The following CD59 variants were observed in gnomAD, a reference collection of about 807,000 sequenced individuals.
CD59 encodes the protein CD59 molecule (CD59 blood group).
CD59 carries 3 observed loss-of-function variants against 7.0 expected under a neutral mutation model. That is an observed-to-expected ratio of 0.43 (90% CI 0.19 to 1.10). The LOEUF (loss-of-function observed/expected upper bound fraction) is 1.10, where lower values mean the gene tolerates loss of function less well. CD59 is among the 50% of genes least tolerant of loss of function. CD59 has a pLI of 0.29. For synonymous variants in CD59, 60 were observed against 62.0 expected (o/e 0.97, Z 0.15); for missense variants, 143 against 151.0 (o/e 0.95, Z 0.28).
At chr11:33,730,285 T>C (rs1854379276) in intron 1 of CD59, among the ~76,000 whole-genome samples, 1 of 150,012 alleles carries the variant, frequency 6.7e-6, no homozygotes. Context: ...TGTGGTGGCG[T>C]GTGCCTGTAG....
Position 33,705,354 on chromosome 11 carries a change from T to C in CD59, c.*4772A>G, listed in dbSNP as rs146297407. ...TAATGGAAAGCTCTTAAGAACTAGG[T>C]TTAGAAGGTGCAGAGACCAGGGCAA... On this transcript the variant is annotated 3_prime_UTR_variant, in exon 4 of 4. Coordinates refer to ENST00000642928, the MANE Select transcript of CD59 (RefSeq NM_000611.6). The C allele has an allele frequency of 2.4e-4, 36 of 152,312 alleles. No individual in the cohort carries two copies. Among genetic ancestry groups the C allele is most frequent in the African/African-American group, 7.7e-4 (32 of 41,532 alleles). 9.4% of individuals were successfully genotyped at this position (152,312 alleles called of 1,614,324 possible). A position where few individuals can be genotyped will look rare whatever the true frequency, so the allele number is the denominator to read the frequency against.
In CD59 at chr11:33,722,415, C is replaced by A. The variant is rs377227068; in HGVS notation, c.31G>T (p.Gly11Trp). ...AAGACAGCCAGGACGAGCAGCAGCC[C>A]GAACAGGACAGACCCTCCTTGGATT... MGIQGGSVLF[G>W]LLLVLAVFCH... The change falls in exon 2 of 4, where the codon GGG becomes TGG. Residue 11 changes from glycine to tryptophan, a missense_variant. Gly to Trp is a radical substitution (Grantham distance 184, BLOSUM62 -2). Coordinates refer to ENST00000642928, the MANE Select transcript of CD59 (RefSeq NM_000611.6). The A allele has an allele frequency of 6.2e-7, 1 of 1,614,052 alleles. No homozygotes were observed. Among genetic ancestry groups the A allele is most frequent in the Non-Finnish European group, 8.5e-7 (1 of 1,179,940 alleles).
At chr11:33,729,234 T>C (rs1422948687) in intron 1 of CD59, among the ~76,000 whole-genome samples, 4 of 152,170 alleles carry the variant, frequency 2.6e-5, no homozygotes, top group Non-Finnish European at 4.4e-5. Context: ...CTGTTCACAA[T>C]AGCAAATTCT....
chr11:33,710,209 T>C lies in CD59; in HGVS notation c.304A>G (p.Asn102Asp). The C allele has an allele frequency of 6.2e-7, 1 of 1,614,192 alleles. No individual in the cohort carries two copies. The highest frequency in any genetic ancestry group is 8.5e-7 in the Non-Finnish European group (1 of 1,180,010). Residue 102 changes from asparagine to aspartate, a missense_variant, in exon 4 of 4, where the codon AAT (asparagine) becomes GAT (aspartate). By Grantham distance (23) the Asn-to-Asp change is conservative. Coordinates refer to ENST00000642928, the MANE Select transcript of CD59 (RefSeq NM_000611.6). The stretch of plus-strand genomic sequence containing the variant: ...TTCTCTGATAAGGATGTCCCACCAT[T>C]TTCAAGCTGTTCGTTAAAGTTACAC... The part of the protein sequence containing the change: ...DLCNFNEQLE[N>D]GGTSLSEKTV...
intron 3 of CD59, among the ~76,000 whole-genome samples, chr11:33,716,669 G>A (rs1853806163): frequency 6.6e-6 from 1 of 152,178 alleles, no homozygotes; most frequent in African/African-American, 2.4e-5. Context: ...TGAATATTCT[G>A]TAGTCTAACA....
At chr11:33,732,552 CTT>C (rs1357941437) in intron 1 of CD59, among the ~76,000 whole-genome samples, 1 of 152,158 alleles carries the variant, frequency 6.6e-6, no homozygotes, top group Non-Finnish European at 1.5e-5. Context: ...TCAGGTACTT[CTT>C]TATAGCAGTG....
chr11:33,716,028 G>A (rs1853774517), intron 3 of CD59, among the ~76,000 whole-genome samples: 3 of 152,288 alleles, frequency 2.0e-5, no homozygotes, highest in African/African-American at 4.8e-5. Flanking sequence ...TTCTGTGCTC[G>A]TACATAATGA....
intron 2 of CD59, chr11:33,719,000 T>G (rs1853929172): frequency 6.6e-6 from 1 of 152,210 alleles, no homozygotes; most frequent in Non-Finnish European, 1.5e-5. Flanking sequence ...TACCTACCTC[T>G]GTGAAAAGAC....
At position 33,706,561 on chromosome 11, in the gene CD59, A is replaced by AAC. The variant is rs1197938574; in HGVS notation, c.*3564_*3565insGT. ...AGTTCAGAAAGGGTTTAAAAAAAAAAAAAAAAAAAAACTTGTCCAGAGACA... is the reference window on the plus strand; with the variant it reads ...AGTTCAGAAAGGGTTTAAAAAAAAAAACAAAAAAAAAAACTTGTCCAGAGACA... On this transcript the variant is annotated 3_prime_UTR_variant, in exon 4 of 4. Transcript: ENST00000642928. 6.6e-6 allele frequency: 1 copy of AAC among 151,898 alleles called. No homozygotes were observed. Among genetic ancestry groups the AAC allele is most frequent in the Non-Finnish European group, 1.5e-5 (1 of 67,946 alleles). 9.4% of individuals were successfully genotyped at this position (151,898 alleles called of 1,614,324 possible).
chr11:33,735,960 T>C (rs1487747363), intron 1 of CD59, among the ~76,000 whole-genome samples: 1 of 151,488 alleles, frequency 6.6e-6, no homozygotes, highest in African/African-American at 2.4e-5. Context: ...TTTTCAAAAT[T>C]ACACATTTAG....
chr11:33,722,515 T>C (rs1854117543), intron 1 of CD59, 52 bp from the exon 2 acceptor site: 2 of 1,605,730 alleles, frequency 1.2e-6, no homozygotes, highest in Non-Finnish European at 1.7e-6. Context: ...TGACTGCTGG[T>C]TGTCTCAAAA....
At chr11:33,717,518 G>T in intron 2 of CD59, 47 bp from the exon 3 acceptor site, 2 of 1,228,168 alleles carry the variant, frequency 1.6e-6, no homozygotes, top group Non-Finnish European at 2.4e-6. Context: ...GCACTGACTT[G>T]TCCCCTGGCA....
chr11:33,722,796 T>C, intron 1 of CD59: 1 of 988,194 alleles, frequency 1.0e-6, no homozygotes, highest in East Asian at 6.1e-5. Context: ...CCCAAGCTGC[T>C]GGCTGAAAGA....
In CD59 at chr11:33,708,956, C is replaced by T. The variant is rs1853429011; in HGVS notation, c.*1170G>A. 6.6e-6 allele frequency: 1 copy of T among 152,122 alleles called. No individual in the cohort carries two copies. Among genetic ancestry groups the T allele is most frequent in the African/African-American group, 2.4e-5 (1 of 41,404 alleles). 9.4% of individuals were successfully genotyped at this position (152,122 alleles called of 1,614,324 possible). ...AAAAGTCAGCCTATGCCATTAAATA[C>T]AGCCAAGATCATAAAATACAAATGT... On this transcript the variant is annotated 3_prime_UTR_variant, in exon 4 of 4. Transcript: ENST00000642928.
At chr11:33,721,974 C>G (rs573740349) in intron 2 of CD59, among the ~76,000 whole-genome samples, 1 of 151,498 alleles carries the variant, frequency 6.6e-6, no homozygotes, top group Admixed American at 6.6e-5. Flanking sequence ...TGACCATCAT[C>G]ATCATTAAAA....
chr11:33,715,089 A>AT (rs1156496636), intron 3 of CD59, among the ~76,000 whole-genome samples: 1 of 151,832 alleles, frequency 6.6e-6, no homozygotes, highest in Non-Finnish European at 1.5e-5. Flanking sequence ...TTTATAGTTA[A>AT]TTTTTTTAGT....
intron 1 of CD59, chr11:33,722,786 C>G: frequency 6.9e-6 from 7 of 1,021,228 alleles, no homozygotes; most frequent in Non-Finnish European, 8.8e-6. Context: ...CTGGCCCCAC[C>G]CCAAGCTGCT....
At chr11:33,717,261 T>G (rs1163831066) in intron 3 of CD59, 109 bp downstream of exon 3, 2 of 721,250 alleles carry the variant, frequency 2.8e-6, no homozygotes, top group African/African-American at 1.7e-5. Context: ...CGCTAATAAA[T>G]GGTAGCTATT....
Position 33,722,359 on chromosome 11 carries a change from C to G in CD59, c.67+20G>C, listed in dbSNP as rs1854107369. ...TGGCCAAGGCAGCCTAGATCCATGT[C>G]CTGAGACTGGAGCACTCACCTGAAT... On this transcript the variant is annotated intron_variant, in intron 2 of 3. Transcript: ENST00000642928. The G allele has an allele frequency of 6.3e-7, 1 of 1,575,160 alleles. No homozygotes were observed.
Sources: allele counts gnomAD v4.1 joint callset (sites outside exome capture counted in the v4.1 genomes callset), GRCh38; gene constraint gnomAD v4.1.1; transcripts MANE v1.5; gene names NCBI Gene and HGNC (gene_info 2026-07-23, HGNC 2026-07-21).